Variants in FOXN2 observed in about 807,000 individuals in gnomAD.
The protein encoded by FOXN2 is forkhead box protein N2.
In FOXN2, 19 loss-of-function variants were observed where a neutral mutation model predicts 41.2. That is an observed-to-expected ratio of 0.46 (90% CI 0.32 to 0.68). The LOEUF (loss-of-function observed/expected upper bound fraction) is 0.68, where lower values mean the gene tolerates loss of function less well. Ranked by LOEUF, FOXN2 falls within the 30% of genes least tolerant of loss-of-function variation. FOXN2 has a pLI of 0.03. For synonymous variants in FOXN2, 195 were observed against 176.8 expected, an observed-to-expected ratio of 1.10 and a Z score of -0.82; for missense variants, 587 against 509.4, an observed-to-expected ratio of 1.15 and a Z score of -1.47.
In FOXN2 at chr2:48,379,041, A is replaced by G. The variant is rs1342450289; in HGVS notation, c.*3598A>G. 2 of 152,582 alleles carry G rather than the reference A, an allele frequency of 1.3e-5. No individual in the cohort carries two copies. Among genetic ancestry groups the G allele is most frequent in the Non-Finnish European group, 2.9e-5 (2 of 68,004 alleles). The allele number at this position is 152,582 out of a possible 1,614,324, so 9.5% of individuals were successfully genotyped here. ...TTCTGATTCAACAAATTTGTTATCA[A>G]ACTGTTTCCTTATCCTCTTTTCTGA... On this transcript the variant is annotated 3_prime_UTR_variant, in exon 7 of 7. Transcript: ENST00000340553.
intron 2 of FOXN2, among the ~76,000 whole-genome samples, chr2:48,335,441 A>G (rs1314908193): frequency 6.6e-6 from 1 of 152,226 alleles, no homozygotes; most frequent in Non-Finnish European, 1.5e-5. Flanking sequence ...CATTTTTAAG[A>G]GAAAAGACAG....
intron 5 of FOXN2, 71 bp from the exon 6 acceptor site, chr2:48,373,221 G>T: frequency 2.9e-6 from 3 of 1,043,360 alleles, no homozygotes; most frequent in Non-Finnish European, 4.3e-6. Context: ...TTATCTTCAG[G>T]GGCATGCAAA....
chr2:48,345,001 C>T (rs1233909638), intron 2 of FOXN2, among the ~76,000 whole-genome samples: 1 of 151,918 alleles, frequency 6.6e-6, no homozygotes, highest in East Asian at 1.9e-4. Context: ...CTGTTATTGT[C>T]TCATGATAAA....
intron 5 of FOXN2, among the ~76,000 whole-genome samples, chr2:48,371,854 T>G (rs1318257370): frequency 2.6e-5 from 4 of 152,208 alleles, no homozygotes; most frequent in African/African-American, 9.6e-5. Flanking sequence ...GTTTTGTGTG[T>G]AGAGATATTA....
At position 48,375,340 on chromosome 2, in the gene FOXN2, A is replaced by G. The variant is rs1431326455; in HGVS notation, c.1193A>G (p.Lys398Arg). The part of the protein sequence containing the change: ...QTCQEIDEEL[K>R]EAAGSLLHLA... ...TGTCAAGAAATTGATGAGGAGCTCAAAGAGGCAGCTGGATCTCTGCTCCAC... is the reference window on the plus strand; with the variant it reads ...TGTCAAGAAATTGATGAGGAGCTCAGAGAGGCAGCTGGATCTCTGCTCCAC... Residue 398 changes from lysine (K) to arginine (R), a missense_variant, in exon 7 of 7, where the codon AAA becomes AGA. Lys to Arg is a conservative substitution (Grantham distance 26, BLOSUM62 2). Coordinates refer to ENST00000340553, the MANE Select transcript of FOXN2 (RefSeq NM_002158.4). 2 of 1,613,742 alleles carry G rather than the reference A, an allele frequency of 1.2e-6. No homozygotes were observed. Among genetic ancestry groups the G allele is most frequent in the Non-Finnish European group, 1.7e-6 (2 of 1,179,860 alleles).
rs1255744428 is a variant in FOXN2, at chr2:48,376,090, G to T, written c.*647G>T. On this transcript the variant is annotated 3_prime_UTR_variant, in exon 7 of 7. Transcript: ENST00000340553. ...AATTTTGTGGTGTCATTTCATCCAA[G>T]AACACTCCCAATTCCTATTAGAATG... is the stretch of plus-strand genomic sequence containing the variant. 1 of 152,152 alleles carries T rather than the reference G, an allele frequency of 6.6e-6. No homozygotes were observed. The highest frequency in any genetic ancestry group is 1.5e-5 in the Non-Finnish European group (1 of 68,028). The allele number at this position is 152,152 out of a possible 1,614,324, so 9.4% of individuals were successfully genotyped here. A position where few individuals can be genotyped will look rare whatever the true frequency, so the allele number is the denominator to read the frequency against.
chr2:48,323,712 A>G (rs1274486341), intron 1 of FOXN2, among the ~76,000 whole-genome samples: 4 of 152,144 alleles, frequency 2.6e-5, no homozygotes, highest in Non-Finnish European at 5.9e-5. Context: ...TTTACTGTGC[A>G]GAAGCTTTTT....
intron 1 of FOXN2, among the ~76,000 whole-genome samples, 177 bp downstream of exon 1, chr2:48,314,991 G>A (rs1668799056): frequency 6.6e-6 from 1 of 152,104 alleles, no homozygotes; most frequent in African/African-American, 2.4e-5. Flanking sequence ...GCCGGCGCGG[G>A]GGTGTCCCCG....
At chr2:48,350,615 G>C (rs544883070) in intron 3 of FOXN2, among the ~76,000 whole-genome samples, 1 of 152,222 alleles carries the variant, frequency 6.6e-6, no homozygotes, top group Non-Finnish European at 1.5e-5. Context: ...TGCTTGTTCA[G>C]GGTCTAGAAC....
At chr2:48,368,971 TG>T (rs1448852220) in intron 5 of FOXN2, among the ~76,000 whole-genome samples, 1 of 152,236 alleles carries the variant, frequency 6.6e-6, no homozygotes, top group African/African-American at 2.4e-5. Flanking sequence ...AAAATCCTTT[TG>T]CAAAGAAGTG....
intron 1 of FOXN2, among the ~76,000 whole-genome samples, chr2:48,326,430 G>A (rs1317236465): frequency 1.3e-5 from 2 of 152,174 alleles, no homozygotes; most frequent in South Asian, 4.1e-4. Flanking sequence ...AAGCAGGTAA[G>A]GGACATTGCT....
intron 3 of FOXN2, among the ~76,000 whole-genome samples, chr2:48,349,979 C>G (rs1297530429): frequency 6.6e-6 from 1 of 152,256 alleles, no homozygotes; most frequent in African/African-American, 2.4e-5. Context: ...TCTGCATCCA[C>G]TAGCTAGGTC....
intron 1 of FOXN2, among the ~76,000 whole-genome samples, chr2:48,319,332 G>A (rs939227625): frequency 6.6e-6 from 1 of 152,004 alleles, no homozygotes. Flanking sequence ...CGTTTTTGGA[G>A]GGAATTTACT....
intron 3 of FOXN2, among the ~76,000 whole-genome samples, chr2:48,353,683 C>T (rs1158998871): frequency 6.6e-6 from 1 of 151,498 alleles, no homozygotes; most frequent in Non-Finnish European, 1.5e-5. Context: ...ATGCATAATT[C>T]TCTTTAATTG....
chr2:48,328,440 T>C (rs1669820780), intron 1 of FOXN2, 121 bp from the exon 2 acceptor site: 1 of 152,200 alleles, frequency 6.6e-6, no homozygotes, highest in Admixed American at 6.5e-5. Context: ...ACAATGTAAA[T>C]GCTATATAAA....
intron 1 of FOXN2, among the ~76,000 whole-genome samples, chr2:48,325,124 T>C (rs1380438030): frequency 2.6e-5 from 4 of 152,234 alleles, no homozygotes; most frequent in Non-Finnish European, 4.4e-5. Context: ...TTGTTTTTGG[T>C]CTTTTGTACT....
chr2:48,356,468 G>C (rs1167182669), intron 3 of FOXN2, among the ~76,000 whole-genome samples: 1 of 151,950 alleles, frequency 6.6e-6, no homozygotes, highest in African/African-American at 2.4e-5. Context: ...TCCAAGTCTT[G>C]TATGTACTTT....
intron 2 of FOXN2, among the ~76,000 whole-genome samples, chr2:48,333,536 G>C (rs962428056): frequency 6.6e-6 from 1 of 152,058 alleles, no homozygotes; most frequent in African/African-American, 2.4e-5. Context: ...ATTTGTTGGG[G>C]GGAATCACGA....
chr2:48,374,222 C>T lies in FOXN2; in HGVS notation c.773-698C>T, dbSNP rs556264480. Among the ~76,000 whole-genome samples the T allele has an allele frequency of 2.2e-4, 33 of 152,034 alleles. No individual in the cohort carries two copies. The South Asian group carries it at 4.8e-3, about 22-fold the overall frequency. ...GTAAGAAATAAGAAAACAGTTCAACCGGAAAGTCAGCAAAATATATGACTA... is the reference window on the plus strand; with the variant it reads ...GTAAGAAATAAGAAAACAGTTCAACTGGAAAGTCAGCAAAATATATGACTA... On this transcript the variant is annotated intron_variant, in intron 6 of 6. Coordinates refer to ENST00000340553, the MANE Select transcript of FOXN2 (RefSeq NM_002158.4).
Sources: gnomAD v4.1 joint callset for allele counts (sites outside exome capture counted in the v4.1 genomes callset) on GRCh38, gnomAD v4.1.1 for gene constraint, MANE v1.5 for transcripts, NCBI Gene and HGNC (gene_info 2026-07-23, HGNC 2026-07-21) for gene names.